CLCN7: variants seen among roughly 807,000 people sequenced by gnomAD.
CLCN7 encodes the protein H(+)/Cl(-) exchange transporter 7.
Under a neutral mutation model 102.1 loss-of-function variants are expected in CLCN7, and 60 were observed. That is an observed-to-expected ratio of 0.59 (90% CI 0.48 to 0.73). CLCN7 has a LOEUF of 0.73. Among genes scored for constraint, CLCN7 ranks in the 30% least tolerant of loss-of-function variants. The pLI is 0.00. For missense variants in CLCN7, 962 were observed against 1,125.7 expected, an observed-to-expected ratio of 0.85 and a Z score of 2.08; for synonymous variants, 560 against 490.5, an observed-to-expected ratio of 1.14 and a Z score of -1.87.
Position 1,475,005 on chromosome 16 carries a change from GC to G in CLCN7, c.-32del, listed in dbSNP as rs1567279814. 2 of 1,431,648 alleles carry G rather than the reference GC, an allele frequency of 1.4e-6. No homozygotes were observed. Among genetic ancestry groups the G allele is most frequent in the Non-Finnish European group, 1.8e-6 (2 of 1,089,832 alleles). The allele number at this position is 1,431,648 out of a possible 1,614,324, so 88.7% of individuals were successfully genotyped here. Reference sequence around the variant, plus strand: ...GCCGCGGAGCGACACCGGCCGGGAAGCGCCGGCTGCCCCCGTGTTTGTTCTC... The same window carrying G: ...GCCGCGGAGCGACACCGGCCGGGAAGGCCGGCTGCCCCCGTGTTTGTTCTC... On this transcript the variant is annotated 5_prime_UTR_variant, in exon 1 of 25. Transcript: ENST00000382745.
Position 1,448,884 on chromosome 16 carries a change from C to A in CLCN7, c.1797+82G>T, listed in dbSNP as rs564060968. 2.5e-6 allele frequency: 4 copies of A among 1,600,506 alleles called. No individual in the cohort carries two copies. In the African/African-American group the frequency reaches 4.0e-5, roughly 16 times the overall value. On this transcript the variant is annotated intron_variant, in intron 19 of 24. Transcript: ENST00000382745. ...AAACCCTGAGCCTACCCCCCGGGAC[C>A]GGCTGTTTGGAGGCTCACAGGGGCC... is the stretch of plus-strand genomic sequence containing the variant.
At chr16:1,448,271 C>T in intron 21 of CLCN7, 84 bp downstream of exon 21, 2 of 1,569,898 alleles carry the variant, frequency 1.3e-6, no homozygotes, top group Non-Finnish European at 1.7e-6. Context: ...GCTTCCCCAT[C>T]CTGCAAACCT....
intron 2 of CLCN7, 121 bp from the exon 3 acceptor site, chr16:1,461,795 G>A: frequency 1.1e-6 from 1 of 871,580 alleles, no homozygotes; most frequent in Non-Finnish European, 1.9e-6. Context: ...CACAGCAAGA[G>A]AACTGCACAT....
intron 12 of CLCN7, among the ~76,000 whole-genome samples, chr16:1,454,771 G>A (rs1046793983): frequency 6.6e-6 from 1 of 152,210 alleles, no homozygotes; most frequent in African/African-American, 2.4e-5. Flanking sequence ...GCACAGAGCC[G>A]CCCTATCGAT....
Position 1,449,062 on chromosome 16 carries a change from G to C in CLCN7, c.1701C>G (p.Thr567=), listed in dbSNP as rs143025396. 8 of 1,612,714 alleles carry C rather than the reference G, an allele frequency of 5.0e-6. No individual in the cohort carries two copies. In the East Asian group the frequency reaches 1.6e-4, roughly 31 times the overall value. Residue 567 remains threonine (T), a synonymous_variant, in exon 19 of 25, where the codon ACC becomes ACG. Coordinates refer to ENST00000382745, the MANE Select transcript of CLCN7 (RefSeq NM_001287.6). ...GGIVRMTLSL[T]VIMMEATSNV... is the part of the protein sequence containing the mutation. ...TGCTGGTGGCCTCCATCATGATGAC[G>C]GTCAGGCTCAGTGTCATCCGCACAA...
At chr16:1,452,133 G>C (rs1015675109) in intron 15 of CLCN7, 1 of 308,610 alleles carries the variant, frequency 3.2e-6, no homozygotes, top group Non-Finnish European at 6.4e-6. Flanking sequence ...TGTTATCCAC[G>C]GGGCTGGAGC....
intron 24 of CLCN7, 62 bp from the exon 25 acceptor site, chr16:1,446,779 C>A: frequency 7.0e-7 from 1 of 1,422,842 alleles, no homozygotes; most frequent in Non-Finnish European, 9.7e-7. Flanking sequence ...TGTGGAGCTC[C>A]CTGCCTTGTG....
In CLCN7 at chr16:1,455,718, A is replaced by G. The variant is rs2038824842; in HGVS notation, c.981+13T>C. 2 of 1,613,164 alleles carry G rather than the reference A, an allele frequency of 1.2e-6. No individual in the cohort carries two copies. The highest frequency in any genetic ancestry group is 1.7e-6 in the Non-Finnish European group (2 of 1,179,388). On this transcript the variant is annotated intron_variant, in intron 11 of 24. Transcript: ENST00000382745. ...GCACCCTGATCAGGAGGCAGCCATC[A>G]GCAGGAACTTACGATCCTCCAGGTC...
intron 1 of CLCN7, among the ~76,000 whole-genome samples, chr16:1,473,253 GCTT>G (rs2039102039): frequency 1.3e-5 from 2 of 151,746 alleles, no homozygotes; most frequent in Admixed American, 1.3e-4. Flanking sequence ...CTGAGCTGCT[GCTT>G]CTTATCAGCA....
At chr16:1,469,415 G>A (rs2142402313) in intron 1 of CLCN7, among the ~76,000 whole-genome samples, 1 of 152,252 alleles carries the variant, frequency 6.6e-6, no homozygotes, top group Non-Finnish European at 1.5e-5. Flanking sequence ...GTCAGGGGAG[G>A]TGGCTCACGT....
intron 6 of CLCN7, among the ~76,000 whole-genome samples, chr16:1,460,055 G>T (rs554618224): frequency 6.6e-6 from 1 of 152,036 alleles, no homozygotes; most frequent in Non-Finnish European, 1.5e-5. Flanking sequence ...GTCTCATGTC[G>T]TTGGGGTAGC....
Position 1,459,199 on chromosome 16 carries a change from G to A in CLCN7, c.595-12C>T, listed in dbSNP as rs778657946. 1 of 1,612,310 alleles carries A rather than the reference G, an allele frequency of 6.2e-7. No homozygotes were observed. The highest frequency in any genetic ancestry group is 8.5e-7 in the Non-Finnish European group (1 of 1,179,348). On this transcript the variant is annotated splice_polypyrimidine_tract_variant and intron_variant, in intron 6 of 24. Coordinates refer to ENST00000382745, the MANE Select transcript of CLCN7 (RefSeq NM_001287.6). ...CCAGCAGCCACCGGCTGAAAGAGGG[G>A]AAGCACGGCTGAGTGGGTCACGGCC...
intron 1 of CLCN7, chr16:1,474,094 A>AC: frequency 1.1e-5 from 5 of 443,602 alleles, no homozygotes; most frequent in Non-Finnish European, 1.8e-5. Context: ...CAAAAAAAAA[A>AC]AAATATTAAG....
chr16:1,447,721 G>C lies in CLCN7; in HGVS notation c.2014-7C>G. 1 of 1,551,152 alleles carries C rather than the reference G, an allele frequency of 6.4e-7. No individual in the cohort carries two copies. The highest frequency in any genetic ancestry group is 1.2e-5 in the South Asian group (1 of 84,122). ...GGCCCTGGAGCCGGGCAGGCTGCAA[G>C]ACAGGCCCGCGGTCAGGGCCACGGG... On this transcript the variant is annotated splice_polypyrimidine_tract_variant and splice_region_variant and intron_variant, in intron 21 of 24. Transcript: ENST00000382745.
chr16:1,453,576 G>T (rs763447226), intron 14 of CLCN7, among the ~76,000 whole-genome samples: 39 of 152,220 alleles, frequency 2.6e-4, no homozygotes, highest in Non-Finnish European at 4.1e-4. Flanking sequence ...CCGATCCCAC[G>T]CAGGGCCTCA....
rs79477995 is a variant in CLCN7 at position 1,448,596 on chromosome 16, G to A, written c.1883+85C>T. ...TGGACAGGAAACGCGGGGCTGCCTGGAGCCCGCAAGCCGTGCACCCTGCCC... is the reference window on the plus strand; with the variant it reads ...TGGACAGGAAACGCGGGGCTGCCTGAAGCCCGCAAGCCGTGCACCCTGCCC... On this transcript the variant is annotated intron_variant, in intron 20 of 24. Transcript: ENST00000382745. The A allele has an allele frequency of 5.4e-3, 8,674 of 1,600,228 alleles. 388 individuals are homozygous for A. The African/African-American group carries it at 0.098, about 18-fold the overall frequency.
In CLCN7 at chr16:1,455,825, A is replaced by G. The variant is rs181553956; in HGVS notation, c.917-30T>C. ...AAGGCAGGCGGCCGGCTCGGGTGCC[A>G]GCTGGACACAGGGCACCATGCCCAC... On this transcript the variant is annotated intron_variant, in intron 10 of 24. Transcript: ENST00000382745. The G allele has an allele frequency of 4.4e-4, 711 of 1,608,988 alleles. 3 individuals carry two copies. In the African/African-American group the frequency reaches 6.6e-3, roughly 15 times the overall value.
chr16:1,447,303 C>G, intron 23 of CLCN7, 89 bp downstream of exon 23: 1 of 1,364,722 alleles, frequency 7.3e-7, no homozygotes, highest in South Asian at 1.3e-5. Context: ...CGCTGTGGCC[C>G]CCCCCGGCTG....
chr16:1,448,031 A>C (rs2038681279), intron 21 of CLCN7, among the ~76,000 whole-genome samples: 1 of 152,310 alleles, frequency 6.6e-6, no homozygotes, highest in East Asian at 1.9e-4. Context: ...CCAAACACCC[A>C]GTGTCCACGT....
Sources: allele counts gnomAD v4.1 joint callset (sites outside exome capture counted in the v4.1 genomes callset), GRCh38; gene constraint gnomAD v4.1.1; transcripts MANE v1.5; gene names NCBI Gene and HGNC (gene_info 2026-07-23, HGNC 2026-07-21).